The following THEMIS variants were observed in gnomAD, a reference collection of about 807,000 sequenced individuals.
THEMIS encodes the protein thymocyte selection associated.
Under a neutral mutation model 52.6 loss-of-function variants are expected in THEMIS, and 37 were observed. The observed-to-expected ratio is 0.70, with a 90% confidence interval of 0.54 to 0.93. The LOEUF (loss-of-function observed/expected upper bound fraction) is 0.93, where lower values mean the gene tolerates loss of function less well. THEMIS is among the 40% of genes least tolerant of loss of function. The probability of loss-of-function intolerance (pLI) is 0.00; values close to 1 mark genes in which losing one functional copy is unlikely to be tolerated. For synonymous variants in THEMIS, 292 were observed against 272.7 expected, an observed-to-expected ratio of 1.07 and a Z score of -0.70; for missense variants, 808 against 763.1, an observed-to-expected ratio of 1.06 and a Z score of -0.69.
At chr6:127,815,164 T>TA (rs5879862) in intron 3 of THEMIS, among the ~76,000 whole-genome samples, 143 of 150,976 alleles carry the variant, frequency 9.5e-4, no homozygotes, top group South Asian at 2.1e-3. Flanking sequence ...AACATAAAAA[T>TA]AAAAAAAAAT....
chr6:127,813,987 G>T, intron 3 of THEMIS, 56 bp from the exon 4 acceptor site: 1 of 1,383,578 alleles, frequency 7.2e-7, no homozygotes, highest in Non-Finnish European at 9.7e-7. Flanking sequence ...CGTTTGCTGT[G>T]AGATACTCTC....
intron 1 of THEMIS, among the ~76,000 whole-genome samples, chr6:127,864,320 T>C (rs972244057): frequency 2.0e-5 from 3 of 152,072 alleles, no homozygotes; most frequent in Admixed American, 2.0e-4. Context: ...ATCTACTCTT[T>C]GTGCCAGATC....
At chr6:127,799,861 T>G (rs889533358) in intron 4 of THEMIS, among the ~76,000 whole-genome samples, 2 of 152,188 alleles carry the variant, frequency 1.3e-5, no homozygotes, top group East Asian at 1.9e-4. Context: ...AAGGAGCCAA[T>G]TGAGGATGAT....
intron 2 of THEMIS, 41 bp from the exon 3 acceptor site, chr6:127,829,975 A>C: frequency 6.9e-7 from 1 of 1,459,436 alleles, no homozygotes. Context: ...GAGTTCTTAC[A>C]ATGAAAGTTC....
chr6:127,835,517 C>T (rs1778846677), intron 2 of THEMIS, among the ~76,000 whole-genome samples: 1 of 152,112 alleles, frequency 6.6e-6, no homozygotes, highest in Non-Finnish European at 1.5e-5. Context: ...TTAGGTAGTA[C>T]TTAACAGCTA....
intron 4 of THEMIS, among the ~76,000 whole-genome samples, chr6:127,802,552 G>T (rs1349908386): frequency 6.6e-6 from 1 of 152,162 alleles, no homozygotes; most frequent in Non-Finnish European, 1.5e-5. Context: ...AGTGTTCCTA[G>T]AAGTGAATTT....
chr6:127,708,079 G>A (rs1215667402), downstream of THEMIS: 1 of 151,978 alleles, frequency 6.6e-6, no homozygotes, highest in African/African-American at 2.4e-5. Flanking sequence ...GGCTTTTTTA[G>A]CACAAGCAGC....
intron 3 of THEMIS, among the ~76,000 whole-genome samples, chr6:127,817,867 T>C (rs1427645387): frequency 6.6e-6 from 1 of 152,190 alleles, no homozygotes; most frequent in Non-Finnish European, 1.5e-5. Context: ...TTCTGAGTCT[T>C]ACTTTCAGGG....
intron 5 of THEMIS, among the ~76,000 whole-genome samples, chr6:127,714,794 C>T (rs1774101268): frequency 1.3e-5 from 2 of 151,944 alleles, no homozygotes; most frequent in South Asian, 4.2e-4. Flanking sequence ...ATAGATGGAG[C>T]AGAGAGCAGA....
intron 1 of THEMIS, among the ~76,000 whole-genome samples, chr6:127,858,370 A>G (rs1476675053): frequency 6.6e-6 from 1 of 152,104 alleles, no homozygotes; most frequent in East Asian, 1.9e-4. Flanking sequence ...GTGACTTCCA[A>G]TGTTCTTCAA....
chr6:127,753,120 A>G (rs2114346649), intron 4 of THEMIS, among the ~76,000 whole-genome samples: 1 of 152,114 alleles, frequency 6.6e-6, no homozygotes, highest in Non-Finnish European at 1.5e-5. Context: ...ACATCCCATC[A>G]TGATTTAAAA....
intron 4 of THEMIS, among the ~76,000 whole-genome samples, chr6:127,776,998 A>C (rs764626511): frequency 9.2e-5 from 14 of 152,128 alleles, no homozygotes; most frequent in Middle Eastern, 3.4e-3. Flanking sequence ...ACAATGTTAC[A>C]ATTATATATA....
chr6:127,733,756 A>G (rs1032438223), intron 4 of THEMIS, among the ~76,000 whole-genome samples: 9 of 152,218 alleles, frequency 5.9e-5, no homozygotes. Context: ...AAAATAAGAC[A>G]GAAGAACGTT....
intron 2 of THEMIS, among the ~76,000 whole-genome samples, chr6:127,830,654 C>G (rs1320750436): frequency 6.6e-6 from 1 of 151,680 alleles, no homozygotes; most frequent in Non-Finnish European, 1.5e-5. Flanking sequence ...CCACTGCACT[C>G]CAGCCTGGGC....
chr6:127,833,660 C>A (rs1778777073), intron 2 of THEMIS, among the ~76,000 whole-genome samples: 1 of 152,110 alleles, frequency 6.6e-6, no homozygotes, highest in African/African-American at 2.4e-5. Flanking sequence ...GTGAGAAGAA[C>A]AATAATAATC....
At chr6:127,697,013 A>G in the THEMIS span, among the ~76,000 whole-genome samples, 1 of 151,992 alleles carries the variant, frequency 6.6e-6, no homozygotes, top group South Asian at 2.1e-4. Flanking sequence ...GCCCACACAC[A>G]CATACACGTA....
intron 3 of THEMIS, among the ~76,000 whole-genome samples, chr6:127,826,624 G>A (rs1481727736): frequency 6.6e-6 from 1 of 152,104 alleles, no homozygotes; most frequent in Non-Finnish European, 1.5e-5. Context: ...TATTTTAAAA[G>A]TTTTAATGGT....
intron 3 of THEMIS, among the ~76,000 whole-genome samples, chr6:127,814,212 A>G (rs1032373010): frequency 1.3e-5 from 2 of 152,196 alleles, no homozygotes; most frequent in South Asian, 4.1e-4. Flanking sequence ...CCTCACTTCT[A>G]CTGACGTACG....
At chr6:127,916,773 G>A (rs1049526095) in intron 1 of THEMIS, among the ~76,000 whole-genome samples, 2 of 152,130 alleles carry the variant, frequency 1.3e-5, no homozygotes, top group African/African-American at 2.4e-5. Context: ...AGCCAGAGTC[G>A]GTTTCTGTTG....
Sources: gnomAD v4.1 joint callset for allele counts (sites outside exome capture counted in the v4.1 genomes callset) on GRCh38, gnomAD v4.1.1 for gene constraint, MANE v1.5 for transcripts, NCBI Gene and HGNC (gene_info 2026-07-23, HGNC 2026-07-21) for gene names.